Variants in SH3RF3 observed in about 807,000 individuals in gnomAD.
SH3RF3 encodes the protein SH3 domain containing ring finger 3.
Under a neutral mutation model 66.3 loss-of-function variants are expected in SH3RF3, and 29 were observed. The ratio of observed to expected loss-of-function variants is 0.44; its 90% CI spans 0.33 to 0.60. The LOEUF (loss-of-function observed/expected upper bound fraction) is 0.60. SH3RF3 is among the 20% of genes least tolerant of loss of function. The pLI is 0.04. For missense variants in SH3RF3, 1,194 were observed against 1,190.9 expected (o/e 1.00, Z -0.04); for synonymous variants, 583 against 532.0 (o/e 1.10, Z -1.32).
At chr2:109,425,884 TTTTCTTTC>T (rs545963830) in intron 5 of SH3RF3, among the ~76,000 whole-genome samples, 3 of 152,032 alleles carry the variant, frequency 2.0e-5, no homozygotes, top group African/African-American at 4.8e-5. Flanking sequence ...AAGTACATCT[TTTTCTTTC>T]TTTCTTTCTT....
chr2:109,495,602 C>T (rs1284120712), intron 9 of SH3RF3, among the ~76,000 whole-genome samples: 4 of 143,216 alleles, frequency 2.8e-5, no homozygotes, highest in Non-Finnish European at 4.5e-5. Context: ...AATTCTTGTG[C>T]CCAGCTTCCC....
intron 1 of SH3RF3, among the ~76,000 whole-genome samples, chr2:109,131,650 G>T (rs558478504): frequency 1.3e-5 from 2 of 152,180 alleles, no homozygotes; most frequent in African/African-American, 4.8e-5. Flanking sequence ...AAGCTTTGAT[G>T]CCACTCCGGG....
intron 1 of SH3RF3, among the ~76,000 whole-genome samples, chr2:109,333,229 C>T (rs1209012308): frequency 6.6e-6 from 1 of 152,202 alleles, no homozygotes; most frequent in Non-Finnish European, 1.5e-5. Flanking sequence ...CAGGCATTCT[C>T]CTGCCTGTAG....
chr2:109,286,290 G>A (rs369217577), intron 1 of SH3RF3, among the ~76,000 whole-genome samples: 1 of 152,192 alleles, frequency 6.6e-6, no homozygotes, highest in East Asian at 1.9e-4. Flanking sequence ...ATGGAAAAGT[G>A]TGGTCAAGGG....
At chr2:109,168,638 C>T (rs1467512249) in intron 1 of SH3RF3, among the ~76,000 whole-genome samples, 1 of 149,908 alleles carries the variant, frequency 6.7e-6, no homozygotes, top group African/African-American at 2.5e-5. Context: ...AAATCGATGC[C>T]ATGGACTGGC....
intron 2 of SH3RF3, among the ~76,000 whole-genome samples, chr2:109,351,469 A>T (rs1682835766): frequency 6.6e-6 from 1 of 152,174 alleles, no homozygotes; most frequent in Non-Finnish European, 1.5e-5. Flanking sequence ...TGAGCAGCTA[A>T]CTCTATATTG....
intron 1 of SH3RF3, among the ~76,000 whole-genome samples, chr2:109,337,018 T>C (rs537255191): frequency 6.6e-6 from 1 of 152,346 alleles, no homozygotes; most frequent in East Asian, 1.9e-4. Context: ...GCCCAAATCA[T>C]TAGGTATGCT....
At chr2:109,317,465 G>C (rs1681915036) in intron 1 of SH3RF3, among the ~76,000 whole-genome samples, 2 of 152,092 alleles carry the variant, frequency 1.3e-5, no homozygotes. Flanking sequence ...CCCCCACCCT[G>C]CTCTTCCCCT....
chr2:109,302,552 A>G (rs1309920823), intron 1 of SH3RF3, among the ~76,000 whole-genome samples: 1 of 152,248 alleles, frequency 6.6e-6, no homozygotes, highest in East Asian at 1.9e-4. Flanking sequence ...GGACCAGGCC[A>G]GAGACCCTGT....
At chr2:109,449,036 C>G in intron 7 of SH3RF3, 134 bp from the exon 8 acceptor site, 1 of 1,052,006 alleles carries the variant, frequency 9.5e-7, no homozygotes. Context: ...GAGGCCAGGT[C>G]TGTCTGGAGA....
intron 8 of SH3RF3, among the ~76,000 whole-genome samples, chr2:109,477,591 C>T (rs1678716900): frequency 6.6e-6 from 1 of 150,772 alleles, no homozygotes; most frequent in Non-Finnish European, 1.5e-5. Context: ...CCTTGAGTTG[C>T]TGTAACAAAA....
In SH3RF3 at chr2:109,129,412, C is replaced by T. The variant is rs1468495476; in HGVS notation, c.-129C>T. 3 of 1,444,578 alleles carry T rather than the reference C, an allele frequency of 2.1e-6. No individual in the cohort carries two copies. Among genetic ancestry groups the T allele is most frequent in the African/African-American group, 2.9e-5 (2 of 67,958 alleles). 89.5% of individuals were successfully genotyped at this position (1,444,578 alleles called of 1,614,324 possible). A position where few individuals can be genotyped will look rare whatever the true frequency, so the allele number is the denominator to read the frequency against. On this transcript the variant is annotated 5_prime_UTR_variant, in exon 1 of 10. Transcript: ENST00000309415. ...CACCGCCACAGCCCTAGCATCGGGCCACCAGCCGGGGTGAAGAAAGTCACG... is the reference window on the plus strand; with the variant it reads ...CACCGCCACAGCCCTAGCATCGGGCTACCAGCCGGGGTGAAGAAAGTCACG...
chr2:109,144,838 G>A (rs1222928573), intron 1 of SH3RF3, among the ~76,000 whole-genome samples: 3 of 152,230 alleles, frequency 2.0e-5, no homozygotes, highest in Non-Finnish European at 4.4e-5. Context: ...CCAAGAGACG[G>A]GCAGGGGGCG....
At chr2:109,302,012 C>T (rs2105398453) in intron 1 of SH3RF3, among the ~76,000 whole-genome samples, 1 of 152,362 alleles carries the variant, frequency 6.6e-6, no homozygotes, top group South Asian at 2.1e-4. Context: ...TGACTCAGTT[C>T]TTCTCAGGAA....
intron 1 of SH3RF3, among the ~76,000 whole-genome samples, chr2:109,167,844 T>C (rs770808987): frequency 6.6e-6 from 1 of 152,216 alleles, no homozygotes; most frequent in Non-Finnish European, 1.5e-5. Context: ...GTGCTGGGAT[T>C]ACAGGCGTGA....
chr2:109,366,720 G>A (rs1183645984), intron 2 of SH3RF3, among the ~76,000 whole-genome samples: 1 of 152,156 alleles, frequency 6.6e-6, no homozygotes, highest in Non-Finnish European at 1.5e-5. Flanking sequence ...GCGTGTGGTG[G>A]CACACGCCTG....
chr2:109,447,147 TA>T (rs61240132), intron 7 of SH3RF3, among the ~76,000 whole-genome samples: 13,941 of 82,698 alleles, frequency 0.17, 938 homozygotes, highest in East Asian at 0.34. Flanking sequence ...CCTGAATATT[TA>T]AAAAAAAAAA....
chr2:109,376,977 A>G (rs1196483961), intron 3 of SH3RF3, among the ~76,000 whole-genome samples: 1 of 152,260 alleles, frequency 6.6e-6, no homozygotes, highest in Non-Finnish European at 1.5e-5. Context: ...CTGTCCCGGC[A>G]GCCAGCACAT....
chr2:109,160,625 C>T (rs1677466964), intron 1 of SH3RF3, among the ~76,000 whole-genome samples: 1 of 152,186 alleles, frequency 6.6e-6, no homozygotes, highest in Non-Finnish European at 1.5e-5. Context: ...GGAAAAGCTA[C>T]ATGAGGCCCA....
Sources: allele counts gnomAD v4.1 joint callset (sites outside exome capture counted in the v4.1 genomes callset), GRCh38; gene constraint gnomAD v4.1.1; transcripts MANE v1.5; gene names NCBI Gene and HGNC (gene_info 2026-07-23, HGNC 2026-07-21).